The following CNNM1 variants were observed in gnomAD, a reference collection of about 807,000 sequenced individuals.
The protein encoded by CNNM1 is metal transporter CNNM1.
CNNM1 carries 44 observed loss-of-function variants against 78.8 expected under a neutral mutation model. The observed-to-expected ratio is 0.56, with a 90% CI of 0.44 to 0.72. The LOEUF is 0.72. CNNM1 is among the 30% of genes least tolerant of loss of function. The pLI, the probability that CNNM1 is intolerant of heterozygous loss-of-function variation, is 0.00. For synonymous variants in CNNM1, 584 were observed against 581.5 expected, an observed-to-expected ratio of 1.00 and a Z score of -0.06; for missense variants, 1,101 against 1,292.2, an observed-to-expected ratio of 0.85 and a Z score of 2.27.
At chr10:99,358,417 G>C (rs569454897) in intron 2 of CNNM1, among the ~76,000 whole-genome samples, 1 of 152,300 alleles carries the variant, frequency 6.6e-6, no homozygotes, top group South Asian at 2.1e-4. Flanking sequence ...CCCTAGGCTG[G>C]GAAGTGTTTC....
chr10:99,335,762 G>A (rs561645785), intron 1 of CNNM1, among the ~76,000 whole-genome samples: 21 of 152,230 alleles, frequency 1.4e-4, no homozygotes, highest in African/African-American at 4.6e-4. Context: ...TTATTTTCTC[G>A]CAATTCAAGG....
chr10:99,383,460 G>T (rs776475131), intron 7 of CNNM1, among the ~76,000 whole-genome samples: 6 of 152,078 alleles, frequency 3.9e-5, no homozygotes, highest in Non-Finnish European at 8.8e-5. Context: ...TTTTAGTAGA[G>T]ACAAGGTTTC....
chr10:99,380,675 CAGCTACTCGGGA>C (rs2032115382), intron 7 of CNNM1, among the ~76,000 whole-genome samples: 1 of 152,000 alleles, frequency 6.6e-6, no homozygotes, highest in African/African-American at 2.4e-5. Flanking sequence ...TCTGTAATCC[CAGCTACTCGGGA>C]GGCTGAGGCA....
intron 3 of CNNM1, 94 bp from the exon 4 acceptor site, chr10:99,362,133 G>A (rs1289472639): frequency 1.7e-6 from 2 of 1,206,950 alleles, no homozygotes; most frequent in South Asian, 1.6e-5. Context: ...AGGGGTCCCA[G>A]TTGTGCCCAC....
intron 1 of CNNM1, among the ~76,000 whole-genome samples, chr10:99,342,001 GCTGACAGCTGTTAGTTCTCTTTGAAT>G (rs2030479276): frequency 6.6e-6 from 1 of 151,952 alleles, no homozygotes; most frequent in Non-Finnish European, 1.5e-5. Context: ...CTGTCCTCTG[GCTGACAGCTGTTAGTTCTCTTTGAAT>G]CTGCCTCCAG....
chr10:99,390,217 C>A, intron 9 of CNNM1, 89 bp from the exon 10 acceptor site: 2 of 935,274 alleles, frequency 2.1e-6, no homozygotes, highest in Non-Finnish European at 3.3e-6. Context: ...ACTTCACTTG[C>A]TGAGGGATGT....
intron 7 of CNNM1, among the ~76,000 whole-genome samples, chr10:99,378,089 G>A (rs913776475): frequency 1.7e-4 from 26 of 150,818 alleles, no homozygotes; most frequent in African/African-American, 5.8e-4. Flanking sequence ...TCAGCCTCCC[G>A]AGTAGCTGGG....
chr10:99,358,740 T>A (rs2031317635), intron 2 of CNNM1, among the ~76,000 whole-genome samples: 1 of 151,978 alleles, frequency 6.6e-6, no homozygotes, highest in South Asian at 2.1e-4. Context: ...AGGAACGAGC[T>A]CGGAAATGTC....
chr10:99,346,436 C>T (rs2030699491), intron 1 of CNNM1, among the ~76,000 whole-genome samples: 1 of 152,200 alleles, frequency 6.6e-6, no homozygotes. Context: ...ACAGTGCCTA[C>T]CCATAGCAGA....
chr10:99,364,682 C>T (rs1015776490), intron 5 of CNNM1, among the ~76,000 whole-genome samples, 166 bp downstream of exon 5: 3 of 152,018 alleles, frequency 2.0e-5, no homozygotes, highest in African/African-American at 7.3e-5. Flanking sequence ...GTATGAATCA[C>T]TTTTCATTCA....
At chr10:99,352,589 C>T (rs189098793) in intron 1 of CNNM1, among the ~76,000 whole-genome samples, 1 of 152,248 alleles carries the variant, frequency 6.6e-6, no homozygotes, top group African/African-American at 2.4e-5. Flanking sequence ...TCATTAGCAT[C>T]TTGATTTGAA....
At chr10:99,334,601 A>G (rs189617671) in intron 1 of CNNM1, among the ~76,000 whole-genome samples, 1,721 of 152,314 alleles carry the variant, frequency 0.011, 21 homozygotes, top group Non-Finnish European at 0.02. Flanking sequence ...CAGTGAGCTG[A>G]GATCGCACCA....
chr10:99,381,292 T>C (rs1338898990), intron 7 of CNNM1, among the ~76,000 whole-genome samples: 12 of 151,042 alleles, frequency 7.9e-5, no homozygotes, highest in African/African-American at 2.7e-4. Context: ...TGGGCATCTG[T>C]AATCCCAGCT....
intron 6 of CNNM1, among the ~76,000 whole-genome samples, chr10:99,371,014 G>A (rs2031783611): frequency 6.6e-6 from 1 of 152,126 alleles, no homozygotes; most frequent in Admixed American, 6.5e-5. Flanking sequence ...GTAGGCAGAG[G>A]GACAAGGACT....
chr10:99,381,373 C>T (rs1486709099), intron 7 of CNNM1, among the ~76,000 whole-genome samples: 1 of 145,788 alleles, frequency 6.9e-6, no homozygotes, highest in Non-Finnish European at 1.5e-5. Context: ...GAGGCCATTG[C>T]ACTCCACCTG....
intron 1 of CNNM1, among the ~76,000 whole-genome samples, chr10:99,344,331 CA>C (rs1242567242): frequency 3.8e-3 from 84 of 22,080 alleles, no homozygotes; most frequent in Middle Eastern, 0.056. Flanking sequence ...GACTCCGTCT[CA>C]AAAAAAAAAA....
chr10:99,348,252 C>T (rs910337664), intron 1 of CNNM1, among the ~76,000 whole-genome samples: 5 of 152,094 alleles, frequency 3.3e-5, no homozygotes, highest in Non-Finnish European at 4.4e-5. Flanking sequence ...TGATTCATTG[C>T]CCAGGCTGGT....
At chr10:99,354,289 G>A (rs2031052671) in intron 1 of CNNM1, among the ~76,000 whole-genome samples, 1 of 152,048 alleles carries the variant, frequency 6.6e-6, no homozygotes, top group African/African-American at 2.4e-5. Context: ...GGCCAAACTG[G>A]GTAGGATGTA....
At chr10:99,350,834 A>G (rs1279564765) in intron 1 of CNNM1, among the ~76,000 whole-genome samples, 1 of 151,958 alleles carries the variant, frequency 6.6e-6, no homozygotes, top group Non-Finnish European at 1.5e-5. Flanking sequence ...TTCGACCTCA[A>G]TAGTATTGAT....
Sources: gnomAD v4.1 joint callset for allele counts (sites outside exome capture counted in the v4.1 genomes callset) on GRCh38, gnomAD v4.1.1 for gene constraint, MANE v1.5 for transcripts, NCBI Gene and HGNC (gene_info 2026-07-23, HGNC 2026-07-21) for gene names.